Variants in UGT2A2 observed in about 807,000 individuals in gnomAD.
UGT2A2 encodes UDP-glucuronosyltransferase 2A2.
UGT2A2 carries 60 observed loss-of-function variants against 50.7 expected under a neutral mutation model. The observed-to-expected ratio is 1.18, with a 90% CI of 0.96 to 1.47. The LOEUF is 1.47. Among genes scored for constraint, UGT2A2 ranks in the 40% most tolerant of loss-of-function variants. The probability of loss-of-function intolerance (pLI) is 0.00; values close to 1 mark genes in which losing one functional copy is unlikely to be tolerated. For missense variants in UGT2A2, 762 were observed against 634.0 expected, an observed-to-expected ratio of 1.20 and a Z score of -2.17; for synonymous variants, 242 against 214.6, an observed-to-expected ratio of 1.13 and a Z score of -1.11.
Position 69,589,436 on chromosome 4 carries a change from A to G in UGT2A2, c.1547T>C (p.Ile516Thr). The G allele has an allele frequency of 6.2e-7, 1 of 1,614,098 alleles. No homozygotes were observed. Among genetic ancestry groups the G allele is most frequent in the Non-Finnish European group, 8.5e-7 (1 of 1,180,000 alleles). ...TTGACAGGAAAACAAACAACATTGT[A>G]TGACCAAAAATATAGCCGTTGTCAC... ...VCVTTAIFLV[I>T]QCCLFSCQKF... Residue 516 changes from isoleucine to threonine, a missense_variant, in exon 6 of 6, where the codon ATA (isoleucine) becomes ACA (threonine). By Grantham distance (89) the Ile-to-Thr change is moderately conservative (BLOSUM62 -1). Coordinates refer to ENST00000604629, the MANE Select transcript of UGT2A2 (RefSeq NM_001105677.2).
chr4:69,609,155 ATTT>A (rs10627999), intron 1 of UGT2A2, among the ~76,000 whole-genome samples: 11 of 142,266 alleles, frequency 7.7e-5, no homozygotes, highest in African/African-American at 2.3e-4. Flanking sequence ...AATATATAAG[ATTT>A]TTTTTTTTTT....
At chr4:69,628,940 G>C (rs1322544072) in intron 1 of UGT2A2, among the ~76,000 whole-genome samples, 1 of 151,566 alleles carries the variant, frequency 6.6e-6, no homozygotes, top group East Asian at 1.9e-4. Context: ...TCAGCTATTA[G>C]TCTCAAAGGG....
intron 1 of UGT2A2, among the ~76,000 whole-genome samples, chr4:69,606,790 A>G (rs570453996): frequency 1.5e-5 from 2 of 136,990 alleles, no homozygotes; most frequent in South Asian, 4.8e-4. Flanking sequence ...AGACAAACAG[A>G]GAGCCAAATC....
At chr4:69,631,321 TTTTTA>T (rs1721373376) in intron 1 of UGT2A2, among the ~76,000 whole-genome samples, 1 of 152,120 alleles carries the variant, frequency 6.6e-6, no homozygotes, top group South Asian at 2.1e-4. Context: ...AATTTTTATG[TTTTTA>T]TTTTATCATA....
intron 1 of UGT2A2, chr4:69,599,611 G>A: frequency 5.3e-6 from 3 of 563,348 alleles, no homozygotes; most frequent in Non-Finnish European, 8.0e-6. Flanking sequence ...AAGGGAGGAA[G>A]GGAGGAAGGC....
intron 2 of UGT2A2, among the ~76,000 whole-genome samples, chr4:69,597,342 C>G (rs1718989104): frequency 6.6e-6 from 1 of 152,050 alleles, no homozygotes. Context: ...GCTATGTGCC[C>G]TTAATTTGAG....
chr4:69,605,201 C>T (rs1719534790), intron 1 of UGT2A2, among the ~76,000 whole-genome samples: 1 of 136,692 alleles, frequency 7.3e-6, no homozygotes, highest in African/African-American at 3.0e-5. Flanking sequence ...TGTAAAAGAA[C>T]AGAAATTATA....
At chr4:69,594,822 G>T in intron 4 of UGT2A2, 126 bp from the exon 5 acceptor site, 1 of 1,172,734 alleles carries the variant, frequency 8.5e-7, no homozygotes, top group Non-Finnish European at 1.2e-6. Context: ...TACAAAAGCA[G>T]ATCACATAGG....
chr4:69,604,763 T>C (rs1246265290), intron 1 of UGT2A2, among the ~76,000 whole-genome samples: 1 of 135,674 alleles, frequency 7.4e-6, no homozygotes, highest in African/African-American at 3.0e-5. Flanking sequence ...AAGGCAGGGG[T>C]TGCAATCCTA....
chr4:69,610,004 T>C (rs1719937788), intron 1 of UGT2A2, among the ~76,000 whole-genome samples: 1 of 152,164 alleles, frequency 6.6e-6, no homozygotes. Flanking sequence ...AAATAACATA[T>C]AACTAGCAGA....
intron 1 of UGT2A2, among the ~76,000 whole-genome samples, chr4:69,633,541 C>A (rs1721504651): frequency 6.6e-6 from 1 of 152,050 alleles, no homozygotes; most frequent in Admixed American, 6.6e-5. Flanking sequence ...ACCAAAATAG[C>A]CTAAATTTCC....
intron 4 of UGT2A2, 72 bp from the exon 5 acceptor site, chr4:69,594,768 G>A: frequency 6.7e-7 from 1 of 1,502,962 alleles, no homozygotes; most frequent in Non-Finnish European, 9.0e-7. Flanking sequence ...GACAGAAGGG[G>A]TCAAAAAGCT....
chr4:69,595,163 A>G lies in UGT2A2; in HGVS notation c.1110T>C (p.Leu370=), dbSNP rs1306344909. ...GCTTTTCTTTCCCCACAGTCTTACC[A>G]AGAAGATCATTCTGGGGTATCCAAT... is the stretch of plus-strand genomic sequence containing the variant. ...LFDWIPQNDL[L]GHPKTKAFIT... The change falls in exon 4 of 6, where the codon CTT becomes CTC. Residue 370 remains leucine (L), a splice_region_variant and synonymous_variant. Transcript: ENST00000604629. 1.2e-6 allele frequency: 2 copies of G among 1,613,718 alleles called. No individual in the cohort carries two copies. Among genetic ancestry groups the G allele is most frequent in the Non-Finnish European group, 1.7e-6 (2 of 1,179,860 alleles).
chr4:69,638,941 A>T lies in UGT2A2; in HGVS notation c.700T>A (p.Ser234Thr), dbSNP rs1236666117. The T allele has an allele frequency of 2.5e-6, 4 of 1,611,520 alleles. No homozygotes were observed. Among genetic ancestry groups the T allele is most frequent in the African/African-American group, 1.3e-5 (1 of 74,870 alleles). The change falls in exon 1 of 6, where the codon TCC becomes ACC. Residue 234 changes from serine to threonine, a missense_variant. Transcript: ENST00000604629. ...TATGAATTCCATTCTCCCCAGTAGG[A>T]CTGAAATATATAGTCTTGCAGAGAA... Reference protein sequence around the residue: ...SYSLQDYIFQSYWGEWNSYYS... With the variant: ...SYSLQDYIFQTYWGEWNSYYS...
At chr4:69,602,601 A>C (rs533280407) in intron 1 of UGT2A2, among the ~76,000 whole-genome samples, 1 of 137,642 alleles carries the variant, frequency 7.3e-6, no homozygotes, top group African/African-American at 2.9e-5. Context: ...GCAAAACTAT[A>C]ACATAGCAAC....
chr4:69,632,569 A>T (rs1205718138), intron 1 of UGT2A2, among the ~76,000 whole-genome samples: 2 of 152,260 alleles, frequency 1.3e-5, no homozygotes, highest in Middle Eastern at 3.4e-3. Context: ...TAAATATGGA[A>T]ATCATCCTTA....
intron 1 of UGT2A2, among the ~76,000 whole-genome samples, chr4:69,634,473 T>G (rs1279161889): frequency 6.6e-6 from 1 of 152,004 alleles, no homozygotes; most frequent in Non-Finnish European, 1.5e-5. Flanking sequence ...GAAAAGAAAC[T>G]ATAGTTGAAA....
intron 1 of UGT2A2, among the ~76,000 whole-genome samples, chr4:69,634,358 T>C (rs1483529072): frequency 6.6e-6 from 1 of 151,964 alleles, no homozygotes; most frequent in Non-Finnish European, 1.5e-5. Context: ...TGACGAAAGA[T>C]TAACAGAAAC....
intron 1 of UGT2A2, among the ~76,000 whole-genome samples, chr4:69,632,686 G>C (rs1307692722): frequency 6.6e-6 from 1 of 151,952 alleles, no homozygotes; most frequent in African/African-American, 2.4e-5. Context: ...TCAAGAGTTT[G>C]AGACCTGCCT....
Sources: allele counts gnomAD v4.1 joint callset (sites outside exome capture counted in the v4.1 genomes callset), GRCh38; gene constraint gnomAD v4.1.1; transcripts MANE v1.5; gene names NCBI Gene and HGNC (gene_info 2026-07-23, HGNC 2026-07-21).